The following FSD1L variants were observed in gnomAD, a reference collection of about 807,000 sequenced individuals.
FSD1L encodes fibronectin type III and SPRY domain containing 1 like, also known as FSD1-like protein.
Under a neutral mutation model 71.6 loss-of-function variants are expected in FSD1L, and 45 were observed. The observed-to-expected ratio is 0.63, with a 90% CI of 0.49 to 0.81. The LOEUF (loss-of-function observed/expected upper bound fraction) is 0.81. Among genes scored for constraint, FSD1L ranks in the 30% least tolerant of loss-of-function variants. The pLI is 0.00. For missense variants in FSD1L, 561 were observed against 618.1 expected, an observed-to-expected ratio of 0.91 and a Z score of 0.98; for synonymous variants, 197 against 207.2, an observed-to-expected ratio of 0.95 and a Z score of 0.42.
chr9:105,521,378 G>A (rs1835141711), intron 10 of FSD1L: 3 of 1,614,032 alleles, frequency 1.9e-6, no homozygotes, highest in Admixed American at 3.3e-5. Context: ...CTCTCACGGA[G>A]CGAGAACCTA....
At chr9:105,526,045 A>G in intron 10 of FSD1L, 2 of 1,502,314 alleles carry the variant, frequency 1.3e-6, no homozygotes, top group Non-Finnish European at 1.9e-6. Flanking sequence ...CCTTATTGTA[A>G]TATATCCAAT....
chr9:105,482,236 A>C (rs1832255749), intron 6 of FSD1L, among the ~76,000 whole-genome samples: 1 of 152,204 alleles, frequency 6.6e-6, no homozygotes, highest in Non-Finnish European at 1.5e-5. Flanking sequence ...ATTAAGAGAG[A>C]AAACTCAAGA....
chr9:105,514,477 T>C (rs1267586058), intron 10 of FSD1L, among the ~76,000 whole-genome samples: 1 of 152,218 alleles, frequency 6.6e-6, no homozygotes, highest in Non-Finnish European at 1.5e-5. Flanking sequence ...ACACTGTCTC[T>C]GCTTTCAAGA....
At chr9:105,461,236 T>G (rs565419484) in intron 1 of FSD1L, among the ~76,000 whole-genome samples, 3 of 152,296 alleles carry the variant, frequency 2.0e-5, no homozygotes, top group African/African-American at 7.2e-5. Context: ...CTCTTAAGTC[T>G]GTATTATCCA....
chr9:105,521,671 T>C lies in FSD1L; in HGVS notation c.1025+8735T>C, dbSNP rs369859394. 1,641 of 1,613,442 alleles carry C rather than the reference T, an allele frequency of 1.0e-3. 24 individuals are homozygous for C. In the South Asian group the frequency reaches 0.017, roughly 16 times the overall value. ...ATTGAAAATGTCACAGACCATGATA[T>C]TTCAATGGAAGAAGGAGAAAAAAGA... On this transcript the variant is annotated intron_variant, in intron 10 of 13. Coordinates refer to ENST00000481272, the MANE Select transcript of FSD1L (RefSeq NM_001145313.3).
intron 7 of FSD1L, among the ~76,000 whole-genome samples, chr9:105,492,467 T>G (rs1833019076): frequency 6.6e-6 from 1 of 152,158 alleles, no homozygotes; most frequent in Non-Finnish European, 1.5e-5. Context: ...ATTCATTAAT[T>G]TTTTGAAGGG....
At chr9:105,522,214 A>C in intron 10 of FSD1L, 8 of 1,613,898 alleles carry the variant, frequency 5.0e-6, no homozygotes, top group Non-Finnish European at 6.8e-6. Context: ...TCGTTGACCT[A>C]TTGGGAAGAG....
chr9:105,511,395 C>T (rs1373024138), intron 9 of FSD1L, among the ~76,000 whole-genome samples: 6 of 152,080 alleles, frequency 3.9e-5, no homozygotes, highest in South Asian at 2.1e-4. Flanking sequence ...ACATGCATTA[C>T]CTAGTAGCTC....
At chr9:105,530,624 C>A in intron 10 of FSD1L, 1 of 674,290 alleles carries the variant, frequency 1.5e-6, no homozygotes, top group Non-Finnish European at 2.7e-6. Context: ...TATTTGTTGC[C>A]CTGAGTTACT....
At chr9:105,507,897 T>A (rs1225054178) in intron 8 of FSD1L, among the ~76,000 whole-genome samples, 1 of 150,404 alleles carries the variant, frequency 6.6e-6, no homozygotes, top group South Asian at 2.1e-4. Context: ...TTCTTTTTTT[T>A]TTTTTTTTTT....
Position 105,534,542 on chromosome 9 carries a change from G to T in FSD1L, c.1075G>T (p.Ala359Ser), listed in dbSNP as rs368905368. 6.4e-7 allele frequency: 1 copy of T among 1,550,926 alleles called. No homozygotes were observed. Among genetic ancestry groups the T allele is most frequent in the Non-Finnish European group, 8.7e-7 (1 of 1,146,192 alleles). The change falls in exon 11 of 14, where the codon GCA becomes TCA. Residue 359 changes from alanine (A) to serine (S), a missense_variant. By Grantham distance (99) the Ala-to-Ser change is moderately conservative (BLOSUM62 1). Coordinates refer to ENST00000481272, the MANE Select transcript of FSD1L (RefSeq NM_001145313.3). The part of the protein sequence containing the change: ...KRTSVGSRPP[A>S]VRGSRDRFTG... ...AACATCTGTAGGCTCCAGGCCACCA[G>T]CAGTAAGAGGCAGTAGAGATCGTTT...
rs145804270 is a variant in FSD1L, at chr9:105,517,404, C to T, written c.1025+4468C>T. Among the ~76,000 whole-genome samples the T allele has an allele frequency of 1.5e-4, 22 of 151,598 alleles. No homozygotes were observed. In the East Asian group the frequency reaches 4.3e-3, roughly 29 times the overall value. ...CCACCTAGGTTGAAATGAAGGGCAG[C>T]CAGAGAGAAAGGTTGGATTACCCAC... On this transcript the variant is annotated intron_variant, in intron 10 of 13. Coordinates refer to ENST00000481272, the MANE Select transcript of FSD1L (RefSeq NM_001145313.3).
chr9:105,470,761 G>A (rs1056265458), intron 4 of FSD1L, among the ~76,000 whole-genome samples: 4 of 151,940 alleles, frequency 2.6e-5, no homozygotes, highest in African/African-American at 9.7e-5. Flanking sequence ...TTGGGGGTGG[G>A]GGATGTATTA....
At chr9:105,486,304 A>C (rs1248944158) in intron 7 of FSD1L, among the ~76,000 whole-genome samples, 1 of 152,174 alleles carries the variant, frequency 6.6e-6, no homozygotes, top group Non-Finnish European at 1.5e-5. Flanking sequence ...AATATTTTTA[A>C]AAGTTTTATT....
Position 105,541,266 on chromosome 9 carries a change from AAGGG to A in FSD1L, c.1467+1920_1467+1923del, listed in dbSNP as rs139002380. Among the ~76,000 whole-genome samples the A allele has an allele frequency of 9.2e-3, 1,380 of 150,108 alleles. 22 individuals are homozygous for A. The highest frequency in any genetic ancestry group is 0.032 in the African/African-American group (1,322 of 41,008). On this transcript the variant is annotated intron_variant, in intron 13 of 13. Transcript: ENST00000481272. Reference sequence around the variant, plus strand: ...GCTCATGGAAACATAAAGATACTGGAAGGGAGGGTTGTTTCTTTTTCCTTTTTTT... The same window carrying A: ...GCTCATGGAAACATAAAGATACTGGAAGGGTTGTTTCTTTTTCCTTTTTTT...
At chr9:105,523,781 G>T (rs1157365958) in intron 10 of FSD1L, 1 of 1,595,668 alleles carries the variant, frequency 6.3e-7, no homozygotes, top group South Asian at 1.1e-5. Flanking sequence ...ACAATATAAT[G>T]CATTGTGGAT....
At chr9:105,447,697 C>A (rs1275513527), upstream of FSD1L, 1 of 170,954 alleles carries the variant, frequency 5.8e-6, no homozygotes, top group Non-Finnish European at 1.2e-5. Context: ...CCGCTGGGTC[C>A]GCTCAAGCCT....
intron 7 of FSD1L, among the ~76,000 whole-genome samples, chr9:105,495,740 C>A (rs1833340721): frequency 6.6e-6 from 1 of 152,132 alleles, no homozygotes; most frequent in Non-Finnish European, 1.5e-5. Context: ...ATTTTGGGAG[C>A]CCGAGGCGGG....
intron 13 of FSD1L, among the ~76,000 whole-genome samples, chr9:105,541,932 ATGT>A (rs1836647520): frequency 6.6e-6 from 1 of 152,150 alleles, no homozygotes; most frequent in Non-Finnish European, 1.5e-5. Flanking sequence ...AAATTCATCC[ATGT>A]TGTTGTGGTG....
Sources: allele counts gnomAD v4.1 joint callset (sites outside exome capture counted in the v4.1 genomes callset), GRCh38; gene constraint gnomAD v4.1.1; transcripts MANE v1.5; gene names NCBI Gene and HGNC (gene_info 2026-07-23, HGNC 2026-07-21).